NANS: variants seen among roughly 807,000 people sequenced by gnomAD.
The protein encoded by NANS is N-acetylneuraminate synthase, also known as N-acetylneuraminate-9-phosphate synthase.
NANS carries 29 observed loss-of-function variants against 33.3 expected under a neutral mutation model. The observed-to-expected ratio is 0.87, with a 90% CI of 0.65 to 1.19. NANS has a LOEUF of 1.19. NANS is among the 50% of genes most tolerant of loss of function. The pLI is 0.00. For missense variants in NANS, 394 were observed against 461.1 expected, an observed-to-expected ratio of 0.85 and a Z score of 1.33; for synonymous variants, 163 against 177.2, an observed-to-expected ratio of 0.92 and a Z score of 0.64.
At chr9:98,074,041 C>T (rs7030590) in intron 2 of NANS, among the ~76,000 whole-genome samples, 2,167 of 152,232 alleles carry the variant, frequency 0.014, 49 homozygotes, top group African/African-American at 0.05. Flanking sequence ...CTGCCTTGGC[C>T]TCCCAAAGTG....
At chr9:98,070,685 G>A (rs890157630) in intron 2 of NANS, among the ~76,000 whole-genome samples, 6 of 152,060 alleles carry the variant, frequency 3.9e-5, no homozygotes, top group Non-Finnish European at 5.9e-5. Flanking sequence ...CTCCCAAAGT[G>A]CTGGGATTAC....
intron 3 of NANS, 64 bp downstream of exon 3, chr9:98,077,081 C>T: frequency 8.5e-7 from 1 of 1,180,610 alleles, no homozygotes; most frequent in Non-Finnish European, 1.2e-6. Context: ...TTACTCCCCT[C>T]ATGGTGGCCC....
chr9:98,062,339 G>A (rs904204342), intron 2 of NANS, among the ~76,000 whole-genome samples: 2 of 152,128 alleles, frequency 1.3e-5, no homozygotes, highest in African/African-American at 2.4e-5. Context: ...GATGGTCACC[G>A]GTGGTTTTTG....
chr9:98,070,121 T>C (rs1013840228), intron 2 of NANS, among the ~76,000 whole-genome samples: 3 of 152,158 alleles, frequency 2.0e-5, no homozygotes, highest in Non-Finnish European at 4.4e-5. Context: ...TCTATTTTAT[T>C]TTATATTTTA....
At chr9:98,062,855 C>T (rs570711376) in intron 2 of NANS, among the ~76,000 whole-genome samples, 46 of 132,986 alleles carry the variant, frequency 3.5e-4, no homozygotes, top group African/African-American at 1.1e-3. Context: ...TGTGTTCTTT[C>T]TTACAGCTGC....
chr9:98,058,118 T>C (rs548859624), intron 1 of NANS, among the ~76,000 whole-genome samples: 1 of 152,028 alleles, frequency 6.6e-6, no homozygotes, highest in Admixed American at 6.6e-5. Flanking sequence ...GGTTTGGCCA[T>C]GTTACCCAGG....
intron 1 of NANS, 95 bp from the exon 2 acceptor site, chr9:98,060,687 T>C (rs1021634080): frequency 8.9e-7 from 1 of 1,125,146 alleles, no homozygotes; most frequent in African/African-American, 1.6e-5. Context: ...AATAAATAAA[T>C]AAAGATGGTG....
chr9:98,065,651 T>C (rs1829125658), intron 2 of NANS, among the ~76,000 whole-genome samples: 1 of 151,734 alleles, frequency 6.6e-6, no homozygotes, highest in South Asian at 2.1e-4. Context: ...TTTTTTTTTT[T>C]TCCCCCTGGA....
At chr9:98,076,690 A>G (rs1829606658) in intron 2 of NANS, 1 of 497,412 alleles carries the variant, frequency 2.0e-6, no homozygotes, top group Non-Finnish European at 3.5e-6. Context: ...TGTAGCCAGC[A>G]AAGACCAGCA....
chr9:98,071,239 T>C (rs146093888), intron 2 of NANS, among the ~76,000 whole-genome samples: 151 of 152,348 alleles, frequency 9.9e-4, no homozygotes, highest in African/African-American at 3.5e-3. Context: ...GGTACACACC[T>C]CAGCTGTATG....
At chr9:98,070,864 G>T in intron 2 of NANS, among the ~76,000 whole-genome samples, 1 of 149,614 alleles carries the variant, frequency 6.7e-6, no homozygotes, top group Non-Finnish European at 1.5e-5. Flanking sequence ...GAGAGTAGCA[G>T]CACAATCATA....
At chr9:98,060,199 A>G (rs1031621891) in intron 1 of NANS, among the ~76,000 whole-genome samples, 2 of 152,234 alleles carry the variant, frequency 1.3e-5, no homozygotes, top group African/African-American at 2.4e-5. Context: ...AATATTTACA[A>G]TGCAAAACAA....
chr9:98,074,993 A>C (rs1359368321), intron 2 of NANS: 1 of 152,168 alleles, frequency 6.6e-6, no homozygotes. Flanking sequence ...AGACACAAAC[A>C]GGAAGGAGTG....
intron 2 of NANS, 24 bp from the exon 3 acceptor site, chr9:98,076,894 G>A (rs774513568): frequency 2.5e-6 from 4 of 1,575,832 alleles, no homozygotes; most frequent in Middle Eastern, 1.7e-4. Flanking sequence ...TGGTGAAAAG[G>A]AGCTCCCTCT....
chr9:98,059,654 A>G (rs1311257843), intron 1 of NANS, among the ~76,000 whole-genome samples: 6 of 151,808 alleles, frequency 4.0e-5, no homozygotes, highest in Admixed American at 2.0e-4. Flanking sequence ...GGTTCAAGCA[A>G]TCCTCCCACC....
At chr9:98,061,134 C>T (rs1375201986) in intron 2 of NANS, 137 bp downstream of exon 2, 13 of 763,348 alleles carry the variant, frequency 1.7e-5, no homozygotes, top group Non-Finnish European at 2.6e-5. Flanking sequence ...GGCTAGCAGG[C>T]GCCAAAGCCC....
At chr9:98,078,409 T>C in intron 4 of NANS, 62 bp downstream of exon 4, 1 of 1,545,196 alleles carries the variant, frequency 6.5e-7, no homozygotes, top group South Asian at 1.2e-5. Context: ...CGTAGTCTTT[T>C]TTATAACCAA....
At chr9:98,082,398 TC>T (rs1829910927) in intron 5 of NANS, among the ~76,000 whole-genome samples, 1 of 152,152 alleles carries the variant, frequency 6.6e-6, no homozygotes, top group Non-Finnish European at 1.5e-5. Context: ...GGCCTCAGTT[TC>T]CCCATGTTTA....
chr9:98,070,265 A>C (rs4743159), intron 2 of NANS, among the ~76,000 whole-genome samples: 3 of 151,732 alleles, frequency 2.0e-5, no homozygotes, highest in East Asian at 1.9e-4. Context: ...CTACAGGTGT[A>C]TGCCACCATG....
Sources: gnomAD v4.1 joint callset for allele counts (sites outside exome capture counted in the v4.1 genomes callset) on GRCh38, gnomAD v4.1.1 for gene constraint, MANE v1.5 for transcripts, NCBI Gene and HGNC (gene_info 2026-07-23, HGNC 2026-07-21) for gene names.